The following PPP3CB variants were observed in gnomAD, a reference collection of about 807,000 sequenced individuals.
The protein encoded by PPP3CB is protein phosphatase 3 catalytic subunit beta, also known as serine/threonine-protein phosphatase 2B catalytic subunit beta isoform.
A neutral mutation model predicts 66.4 loss-of-function variants in PPP3CB; 8 were observed. That is an observed-to-expected ratio of 0.12 (90% CI 0.07 to 0.22). PPP3CB has a LOEUF of 0.22. Ranked by LOEUF, PPP3CB falls within the 10% of genes least tolerant of loss-of-function variation. PPP3CB has a pLI of 1.00. For synonymous variants in PPP3CB, 208 were observed against 221.2 expected, an observed-to-expected ratio of 0.94 and a Z score of 0.53; for missense variants, 319 against 642.5, an observed-to-expected ratio of 0.50 and a Z score of 5.44.
At chr10:73,463,054 G>A (rs990901572) in intron 9 of PPP3CB, among the ~76,000 whole-genome samples, 2 of 149,644 alleles carry the variant, frequency 1.3e-5, no homozygotes, top group Admixed American at 6.7e-5. Flanking sequence ...GTAAAGGGTT[G>A]TTGTAACAAG....
At position 73,481,418 on chromosome 10, in the gene PPP3CB, AGCCTAGACT is replaced by A. The variant is rs375665771; in HGVS notation, c.86-1910_86-1902del. On this transcript the variant is annotated intron_variant, in intron 1 of 13. Coordinates refer to ENST00000360663, the MANE Select transcript of PPP3CB (RefSeq NM_021132.4). ...ACCCGGGGAGGCAGAAGTTGCAGTG[AGCCTAGACT>A]ACACCACTGCACTCCAGCCTGGTCG... 1.1e-3 allele frequency among the ~76,000 whole-genome samples: 162 copies of A among 151,288 alleles called. 3 individuals are homozygous for A. Among genetic ancestry groups the A allele is most frequent in the African/African-American group, 3.6e-3 (150 of 41,374 alleles).
At chr10:73,457,260 G>GAAAAAAAAAAAAAAAAAAAAA in intron 9 of PPP3CB, among the ~76,000 whole-genome samples, 1 of 69,030 alleles carries the variant, frequency 1.4e-5, no homozygotes, top group Non-Finnish European at 2.9e-5. Context: ...CTCTAAAAAA[G>GAAAAAAAAAAAAAAAAAAAAA]AAAAAAAAAA....
At chr10:73,453,274 A>G (rs776050991) in intron 10 of PPP3CB, among the ~76,000 whole-genome samples, 2 of 152,238 alleles carry the variant, frequency 1.3e-5, no homozygotes, top group Non-Finnish European at 2.9e-5. Flanking sequence ...CTGTAACTCT[A>G]TAATTCTCTC....
At chr10:73,462,532 G>A (rs1171644239) in intron 9 of PPP3CB, among the ~76,000 whole-genome samples, 5 of 152,054 alleles carry the variant, frequency 3.3e-5, no homozygotes, top group East Asian at 1.9e-4. Context: ...TGGAGAAAAT[G>A]GATGGCTGGA....
intron 1 of PPP3CB, among the ~76,000 whole-genome samples, chr10:73,484,427 C>A (rs61396434): frequency 2.0e-5 from 3 of 151,806 alleles, no homozygotes; most frequent in Non-Finnish European, 2.9e-5. Flanking sequence ...CCTGCCACCA[C>A]GCCCAGCTAA....
chr10:73,492,724 C>T (rs959085179), intron 1 of PPP3CB, among the ~76,000 whole-genome samples: 18 of 152,232 alleles, frequency 1.2e-4, no homozygotes, highest in African/African-American at 4.1e-4. Flanking sequence ...AGGCTCAGAA[C>T]TGAATTTAAT....
chr10:73,461,997 T>C (rs895166316), intron 9 of PPP3CB, among the ~76,000 whole-genome samples: 9 of 152,102 alleles, frequency 5.9e-5, no homozygotes, highest in African/African-American at 2.2e-4. Flanking sequence ...CCTCGCTCTC[T>C]TGCTCCTGCT....
intron 1 of PPP3CB, among the ~76,000 whole-genome samples, chr10:73,485,953 T>TG (rs577772189): frequency 2.1e-5 from 3 of 140,464 alleles, no homozygotes; most frequent in South Asian, 2.3e-4. Context: ...TGTGTGTGTA[T>TG]TTTTTTTTTT....
chr10:73,495,247 A>G (rs577144356), intron 1 of PPP3CB, among the ~76,000 whole-genome samples: 1 of 152,272 alleles, frequency 6.6e-6, no homozygotes, highest in African/African-American at 2.4e-5. Context: ...CCGTGATCCA[A>G]TCCCACAAGG....
rs553710472 is a variant in PPP3CB at position 73,490,305 on chromosome 10, A to G, written c.85+5500T>C. On this transcript the variant is annotated intron_variant, in intron 1 of 13. Transcript: ENST00000360663. ...GCAACTTACCTGGCAATTATTAACT[A>G]TACCTGTCCTTATGTCATATATTGT... Among the ~76,000 whole-genome samples, 138 of 152,216 alleles carry G rather than the reference A, an allele frequency of 9.1e-4. 1 individual carries two copies. The highest frequency in any genetic ancestry group is 2.8e-3 in the African/African-American group (116 of 41,540).
intron 9 of PPP3CB, among the ~76,000 whole-genome samples, chr10:73,463,501 C>T (rs1366983302): frequency 6.6e-6 from 1 of 152,188 alleles, no homozygotes; most frequent in Non-Finnish European, 1.5e-5. Flanking sequence ...ATTAAACCCT[C>T]AAAGAGACCT....
In PPP3CB at chr10:73,471,470, T is replaced by C. The variant is rs1564561831; in HGVS notation, c.667A>G (p.Arg223Gly). 1 of 1,603,102 alleles carries C rather than the reference T, an allele frequency of 6.2e-7. No individual in the cohort carries two copies. The highest frequency in any genetic ancestry group is 8.5e-7 in the Non-Finnish European group (1 of 1,176,136). Reference sequence around the variant, plus strand: ...TCGGAAGTAAAATATATACTTACTCTCCTAATATCATCCAGTGTGTGTATT... The same window carrying C: ...TCGGAAGTAAAATATATACTTACTCCCCTAATATCATCCAGTGTGTGTATT... ...PEIHTLDDIR[R>G]LDRFKEPPAF... The change falls in exon 5 of 14, where the codon AGA becomes GGA. Residue 223 changes from arginine (R) to glycine (G), a missense_variant and splice_region_variant. Physicochemically the swap from Arg to Gly is moderately radical, Grantham distance 125. This residue lies in a region of PPP3CB where 19 missense variants were observed against 17.0 expected (regional missense o/e 1.12). Transcript: ENST00000360663.
intron 11 of PPP3CB, 32 bp downstream of exon 11, chr10:73,446,460 C>A (rs775159642): frequency 6.3e-7 from 1 of 1,586,534 alleles, no homozygotes; most frequent in East Asian, 2.2e-5. Context: ...GTAATTTCTG[C>A]AAAACAAATA....
intron 1 of PPP3CB, among the ~76,000 whole-genome samples, chr10:73,495,319 C>A (rs1342053300): frequency 6.6e-6 from 1 of 152,232 alleles, no homozygotes; most frequent in Non-Finnish European, 1.5e-5. Flanking sequence ...GCGGTTGTCG[C>A]CAGCTAGACG....
chr10:73,495,826 C>T lies in PPP3CB; in HGVS notation c.64G>A (p.Gly22Arg), dbSNP rs763382464. Residue 22 changes from glycine to arginine, a missense_variant, in exon 1 of 14, where the codon GGG becomes AGG. Gly to Arg is a moderately radical substitution (Grantham distance 125). This residue lies in a region of PPP3CB where 104 missense variants were observed against 128.4 expected (regional missense o/e 0.81). Coordinates refer to ENST00000360663, the MANE Select transcript of PPP3CB (RefSeq NM_021132.4). ...TCACCTTTGACGACGCGGTCAGCCC[C>T]GGGAGGGGGCGGCGGGGGCGGGGGT... ...PPPPPPPPPP[G>R]ADRVVKAVPF... The T allele has an allele frequency of 6.1e-5, 57 of 929,914 alleles. No homozygotes were observed. The highest frequency in any genetic ancestry group is 8.3e-5 in the Non-Finnish European group (54 of 651,192). 57.6% of individuals were successfully genotyped at this position (929,914 alleles called of 1,614,324 possible).
At chr10:73,463,062 AAG>A (rs200908728) in intron 9 of PPP3CB, among the ~76,000 whole-genome samples, 334 of 152,166 alleles carry the variant, frequency 2.2e-3, no homozygotes, top group African/African-American at 7.4e-3. Context: ...TTGTTGTAAC[AAG>A]AGTTTTCTCA....
intron 10 of PPP3CB, among the ~76,000 whole-genome samples, chr10:73,448,965 T>C (rs1477203324): frequency 1.3e-5 from 2 of 152,150 alleles, no homozygotes; most frequent in Non-Finnish European, 2.9e-5. Context: ...TCATATCTGA[T>C]GGAAGCAGAC....
intron 12 of PPP3CB, among the ~76,000 whole-genome samples, chr10:73,441,863 C>T (rs1051542503): frequency 6.6e-6 from 1 of 152,098 alleles, no homozygotes; most frequent in Non-Finnish European, 1.5e-5. Context: ...ACTCAAGAAA[C>T]ATCATGTAAA....
At chr10:73,457,050 T>C (rs947348392) in intron 9 of PPP3CB, among the ~76,000 whole-genome samples, 5 of 151,894 alleles carry the variant, frequency 3.3e-5, no homozygotes, top group Non-Finnish European at 7.4e-5. Context: ...TCAATAAAGC[T>C]GTTACGATGT....
Sources: gnomAD v4.1 joint callset for allele counts (sites outside exome capture counted in the v4.1 genomes callset) on GRCh38, gnomAD v4.1.1 for gene constraint, gnomAD v4.1.1 regional missense constraint, MANE v1.5 for transcripts, NCBI Gene and HGNC (gene_info 2026-07-23, HGNC 2026-07-21) for gene names.